The following ARHGAP15 variants were observed in gnomAD, a reference collection of about 807,000 sequenced individuals.
ARHGAP15 encodes the protein rho GTPase-activating protein 15.
A neutral mutation model predicts 63.7 loss-of-function variants in ARHGAP15; 51 were observed. The ratio of observed to expected loss-of-function variants is 0.80; its 90% CI spans 0.64 to 1.01. The LOEUF is 1.01. Ranked by LOEUF, ARHGAP15 falls within the 50% of genes least tolerant of loss-of-function variation. The pLI, the probability that ARHGAP15 is intolerant of heterozygous loss-of-function variation, is 0.00. For synonymous variants in ARHGAP15, 191 were observed against 193.8 expected (o/e 0.99, Z 0.12); for missense variants, 560 against 564.6 (o/e 0.99, Z 0.08).
intron 10 of ARHGAP15, among the ~76,000 whole-genome samples, chr2:143,529,432 CTT>C (rs1694427971): frequency 6.6e-6 from 1 of 152,096 alleles, no homozygotes; most frequent in Non-Finnish European, 1.5e-5. Flanking sequence ...CCAGGCCACT[CTT>C]TTCAATGCTG....
intron 12 of ARHGAP15, among the ~76,000 whole-genome samples, chr2:143,646,605 A>G (rs975454738): frequency 6.6e-6 from 1 of 152,052 alleles, no homozygotes; most frequent in Non-Finnish European, 1.5e-5. Flanking sequence ...ATTTACATGT[A>G]ACATTTTAAA....
rs1687560939 is a variant in ARHGAP15, at chr2:143,392,089, T to C, written c.475-43512T>C. 2.0e-5 allele frequency among the ~76,000 whole-genome samples: 3 copies of C among 152,152 alleles called. No homozygotes were observed. The South Asian group carries it at 6.2e-4, about 32-fold the overall frequency. On this transcript the variant is annotated intron_variant, in intron 6 of 13. Coordinates refer to ENST00000295095, the MANE Select transcript of ARHGAP15 (RefSeq NM_018460.4). ...AACAGGGACCCACAGAAACTTATCA[T>C]GCTCTGAATGGTCAGTTTCCAAAGT...
intron 6 of ARHGAP15, among the ~76,000 whole-genome samples, chr2:143,415,890 C>T (rs1253403120): frequency 2.0e-5 from 3 of 152,036 alleles, no homozygotes; most frequent in South Asian, 2.1e-4. Context: ...AACCAGACAT[C>T]GTATGTTCTC....
At chr2:143,252,445 A>T (rs1239083246) in intron 6 of ARHGAP15, among the ~76,000 whole-genome samples, 1 of 152,004 alleles carries the variant, frequency 6.6e-6, no homozygotes, top group African/African-American at 2.4e-5. Flanking sequence ...CACTTTTGGT[A>T]GCTTTCTGAA....
chr2:143,576,354 T>C (rs1696681015), intron 11 of ARHGAP15, among the ~76,000 whole-genome samples: 1 of 152,172 alleles, frequency 6.6e-6, no homozygotes, highest in African/African-American at 2.4e-5. Context: ...ACCAGATGGT[T>C]GTGTTAAGAA....
intron 9 of ARHGAP15, among the ~76,000 whole-genome samples, chr2:143,506,177 G>C (rs112163638): frequency 1.6e-4 from 24 of 152,244 alleles, no homozygotes; most frequent in African/African-American, 5.5e-4. Flanking sequence ...CTTTAATCTA[G>C]AGTGAGTCAA....
At chr2:143,517,685 T>C (rs1427751055) in intron 9 of ARHGAP15, among the ~76,000 whole-genome samples, 1 of 152,164 alleles carries the variant, frequency 6.6e-6, no homozygotes, top group Non-Finnish European at 1.5e-5. Flanking sequence ...AGTGGAGATA[T>C]GTGCTCTAAG....
chr2:143,761,376 G>A (rs571151402), intron 13 of ARHGAP15, among the ~76,000 whole-genome samples: 3 of 152,214 alleles, frequency 2.0e-5, no homozygotes, highest in African/African-American at 7.2e-5. Flanking sequence ...TATGTGTGTT[G>A]GAAAATCATG....
intron 10 of ARHGAP15, among the ~76,000 whole-genome samples, chr2:143,526,874 CTGAT>C (rs1399411072): frequency 6.6e-6 from 1 of 152,086 alleles, no homozygotes; most frequent in African/African-American, 2.4e-5. Flanking sequence ...ATAATATGAA[CTGAT>C]TGATTAAAAA....
chr2:143,319,694 A>G lies in ARHGAP15; in HGVS notation c.474+69094A>G, dbSNP rs143179144. On this transcript the variant is annotated intron_variant, in intron 6 of 13. Transcript: ENST00000295095. Reference sequence around the variant, plus strand: ...TAAAAATATTTTCATCTCTTTGCCCATTTTGTCTGTTGCCCAAAGTATTAT... The same window carrying G: ...TAAAAATATTTTCATCTCTTTGCCCGTTTTGTCTGTTGCCCAAAGTATTAT... 3.7e-3 allele frequency among the ~76,000 whole-genome samples: 567 copies of G among 152,080 alleles called. 6 individuals are homozygous for G. The highest frequency in any genetic ancestry group is 0.013 in the African/African-American group (523 of 41,464).
intron 9 of ARHGAP15, among the ~76,000 whole-genome samples, chr2:143,504,037 A>G (rs970293104): frequency 3.4e-4 from 52 of 152,182 alleles, no homozygotes; most frequent in Admixed American, 2.0e-3. Context: ...TTATCATTTT[A>G]TGGTCTTTAA....
rs187762776 is a variant in ARHGAP15, at chr2:143,323,751, G to C, written c.474+73151G>C. 3.7e-3 allele frequency among the ~76,000 whole-genome samples: 565 copies of C among 151,852 alleles called. 5 individuals are homozygous for C. The highest frequency in any genetic ancestry group is 0.013 in the African/African-American group (520 of 41,410). On this transcript the variant is annotated intron_variant, in intron 6 of 13. Coordinates refer to ENST00000295095, the MANE Select transcript of ARHGAP15 (RefSeq NM_018460.4). ...ATACAAAAAAAATCAGCCGGGCGTTGTGGCGGACACCTGTAGTCTCAGCTA... is the reference window on the plus strand; with the variant it reads ...ATACAAAAAAAATCAGCCGGGCGTTCTGGCGGACACCTGTAGTCTCAGCTA...
At chr2:143,229,102 A>G (rs34115462) in intron 5 of ARHGAP15, among the ~76,000 whole-genome samples, 19,170 of 152,176 alleles carry the variant, frequency 0.13, 1,327 homozygotes, top group Middle Eastern at 0.24. Flanking sequence ...GACGTAAATC[A>G]TATTAAACCA....
At chr2:143,436,666 A>G (rs1176491288) in intron 7 of ARHGAP15, among the ~76,000 whole-genome samples, 1 of 152,172 alleles carries the variant, frequency 6.6e-6, no homozygotes, top group African/African-American at 2.4e-5. Context: ...TAATAATACC[A>G]CCTACTCTAT....
At chr2:143,285,396 G>C (rs1311404763) in intron 6 of ARHGAP15, among the ~76,000 whole-genome samples, 2 of 151,854 alleles carry the variant, frequency 1.3e-5, no homozygotes, top group East Asian at 1.9e-4. Context: ...ATATAAATCA[G>C]GCAATTGACA....
intron 6 of ARHGAP15, among the ~76,000 whole-genome samples, chr2:143,406,634 A>G (rs1357117359): frequency 6.6e-6 from 1 of 151,970 alleles, no homozygotes; most frequent in East Asian, 1.9e-4. Flanking sequence ...TGCTTTATAT[A>G]CTTTATTTAA....
intron 10 of ARHGAP15, among the ~76,000 whole-genome samples, chr2:143,521,092 T>C (rs1397871383): frequency 6.6e-6 from 1 of 152,220 alleles, no homozygotes; most frequent in Non-Finnish European, 1.5e-5. Flanking sequence ...TATTTCATTG[T>C]CCCTGTGTTT....
At chr2:143,321,313 A>G (rs1558891070) in intron 6 of ARHGAP15, among the ~76,000 whole-genome samples, 2 of 152,224 alleles carry the variant, frequency 1.3e-5, no homozygotes, top group African/African-American at 4.8e-5. Flanking sequence ...CAAAAGCTCA[A>G]CTCAAACTTG....
chr2:143,729,699 GCT>G (rs1014009369), intron 13 of ARHGAP15, among the ~76,000 whole-genome samples: 10 of 152,178 alleles, frequency 6.6e-5, no homozygotes, highest in African/African-American at 2.4e-4. Flanking sequence ...GACACATCCT[GCT>G]CTCTCTACAA....
Sources: gnomAD v4.1 joint callset for allele counts (sites outside exome capture counted in the v4.1 genomes callset) on GRCh38, gnomAD v4.1.1 for gene constraint, MANE v1.5 for transcripts, NCBI Gene and HGNC (gene_info 2026-07-23, HGNC 2026-07-21) for gene names.